The following DOCK5 variants were observed in gnomAD, a reference collection of about 807,000 sequenced individuals.
DOCK5 encodes dedicator of cytokinesis 5, also known as dedicator of cytokinesis protein 5.
In DOCK5, 142 loss-of-function variants were observed where a neutral mutation model predicts 251.8. That is an observed-to-expected ratio of 0.56 (90% CI 0.49 to 0.65). The LOEUF is 0.65. Among genes scored for constraint, DOCK5 ranks in the 30% least tolerant of loss-of-function variants. The pLI, the probability that DOCK5 is intolerant of heterozygous loss-of-function variation, is 0.00. For synonymous variants in DOCK5, 842 were observed against 835.5 expected, an observed-to-expected ratio of 1.01 and a Z score of -0.13; for missense variants, 2,111 against 2,312.3, an observed-to-expected ratio of 0.91 and a Z score of 1.79.
At chr8:25,296,179 A>G (rs989523897) in intron 6 of DOCK5, among the ~76,000 whole-genome samples, 3 of 152,176 alleles carry the variant, frequency 2.0e-5, no homozygotes, top group Admixed American at 1.3e-4. Flanking sequence ...TTTACTTCAT[A>G]GTTCCTCTTC....
At chr8:25,387,870 A>G (rs1801191496) in intron 40 of DOCK5, among the ~76,000 whole-genome samples, 1 of 152,118 alleles carries the variant, frequency 6.6e-6, no homozygotes, top group Non-Finnish European at 1.5e-5. Context: ...CAGTCGAGCT[A>G]ATTCTTCCTG....
intron 1 of DOCK5, among the ~76,000 whole-genome samples, chr8:25,213,757 A>G (rs181882192): frequency 6.6e-6 from 1 of 152,338 alleles, no homozygotes; most frequent in Non-Finnish European, 1.5e-5. Context: ...GTTCTTGGAA[A>G]TGACTTTGGT....
At chr8:25,287,555 T>C (rs1804371492) in intron 5 of DOCK5, among the ~76,000 whole-genome samples, 1 of 152,202 alleles carries the variant, frequency 6.6e-6, no homozygotes, top group Non-Finnish European at 1.5e-5. Flanking sequence ...GAAAAAAATT[T>C]AGATTGTTTT....
chr8:25,224,974 G>A (rs73673867), intron 1 of DOCK5, among the ~76,000 whole-genome samples: 13,569 of 152,120 alleles, frequency 0.089, 1,674 homozygotes, highest in African/African-American at 0.28. Flanking sequence ...AAATGGCCAC[G>A]AGCATATGAA....
At chr8:25,246,320 G>A (rs902799408) in intron 2 of DOCK5, among the ~76,000 whole-genome samples, 4 of 152,018 alleles carry the variant, frequency 2.6e-5, no homozygotes, top group East Asian at 1.9e-4. Flanking sequence ...TGTCGCCCAG[G>A]TGGAGTGCAG....
At chr8:25,196,045 A>T (rs1801716437) in intron 1 of DOCK5, among the ~76,000 whole-genome samples, 1 of 152,266 alleles carries the variant, frequency 6.6e-6, no homozygotes, top group Admixed American at 6.5e-5. Flanking sequence ...GGCAGAGAGA[A>T]AGGGACATTC....
chr8:25,211,225 T>C lies in DOCK5; in HGVS notation c.43+26274T>C, dbSNP rs148159847. On this transcript the variant is annotated intron_variant, in intron 1 of 51. Transcript: ENST00000276440. ...TATTTTGTGCACATGGGAGAATTGC[T>C]GTGTCTCATAAGAGAAGCACAGAAA... is the stretch of plus-strand genomic sequence containing the variant. Among the ~76,000 whole-genome samples the C allele has an allele frequency of 3.9e-3, 276 of 70,796 alleles. 120 individuals carry two copies. The highest frequency in any genetic ancestry group is 0.01 in the Non-Finnish European group (222 of 21,580). 46.4% of individuals were successfully genotyped at this position (70,796 alleles called of 152,430 possible).
Position 25,334,108 on chromosome 8 carries a change from T to G in DOCK5, c.2104T>G (p.Ser702Ala). The G allele has an allele frequency of 6.2e-7, 1 of 1,613,702 alleles. No individual in the cohort carries two copies. Among genetic ancestry groups the G allele is most frequent in the Non-Finnish European group, 8.5e-7 (1 of 1,179,626 alleles). ...TCACTTTTGGCAGGTATTTATTATT[T>G]CACTGATAGGAGACATCAAGTTCCA... ...LVFDALVFII[S>A]LIGDIKFQHF... Residue 702 changes from serine to alanine, a missense_variant, in exon 21 of 52, where the codon TCA becomes GCA. By Grantham distance (99) the Ser-to-Ala change is moderately conservative (BLOSUM62 1). Transcript: ENST00000276440.
intron 1 of DOCK5, among the ~76,000 whole-genome samples, chr8:25,204,325 A>G (rs1801947984): frequency 6.6e-6 from 1 of 152,200 alleles, no homozygotes; most frequent in Non-Finnish European, 1.5e-5. Flanking sequence ...TGAAACTAAC[A>G]GAAGTATTGA....
At chr8:25,192,286 A>G (rs1485783709) in intron 1 of DOCK5, among the ~76,000 whole-genome samples, 2 of 152,182 alleles carry the variant, frequency 1.3e-5, no homozygotes, top group African/African-American at 4.8e-5. Context: ...GTATATACCC[A>G]GTAATGGGAT....
chr8:25,192,168 T>G (rs1380107271), intron 1 of DOCK5, among the ~76,000 whole-genome samples: 1 of 149,882 alleles, frequency 6.7e-6, no homozygotes. Flanking sequence ...ATCCAGTCTA[T>G]CACTGATGGA....
chr8:25,205,758 G>T (rs145946561), intron 1 of DOCK5, among the ~76,000 whole-genome samples: 90 of 152,270 alleles, frequency 5.9e-4, no homozygotes, highest in African/African-American at 2.1e-3. Flanking sequence ...AGAGAGACAT[G>T]GGTTACTGAA....
intron 1 of DOCK5, among the ~76,000 whole-genome samples, chr8:25,241,129 G>A (rs1276193011): frequency 6.6e-6 from 1 of 152,190 alleles, no homozygotes. Flanking sequence ...TTAGAAAAAT[G>A]CAAATAAAAA....
chr8:25,214,748 C>G (rs573786725), intron 1 of DOCK5, among the ~76,000 whole-genome samples: 15 of 152,258 alleles, frequency 9.9e-5, no homozygotes, highest in African/African-American at 3.6e-4. Context: ...CCACAAACCA[C>G]GCACTTTATC....
intron 44 of DOCK5, among the ~76,000 whole-genome samples, chr8:25,393,426 A>G (rs1801294747): frequency 6.6e-6 from 1 of 152,118 alleles, no homozygotes; most frequent in African/African-American, 2.4e-5. Context: ...AAATCTCACC[A>G]TTTCGTCCAT....
chr8:25,237,060 C>A (rs1400744854), intron 1 of DOCK5, among the ~76,000 whole-genome samples: 1 of 152,088 alleles, frequency 6.6e-6, no homozygotes, highest in African/African-American at 2.4e-5. Flanking sequence ...GTAATAATCT[C>A]ATTCATTAGA....
In DOCK5 at chr8:25,342,413, C is replaced by A. The variant is rs1301646507; in HGVS notation, c.2523C>A (p.Cys841Ter). ...GTTTCTCTCCCAGCGTGCTCTTCTG[C>A]AAATTCATTCAAAGCATTCCTGACA... ...FDPVELSVLF[C>*]KFIQSIPDNQ... The change falls in exon 25 of 52, where the codon TGC becomes TGA. Residue 841 changes from cysteine (C) to a stop codon, truncating the protein, a stop_gained. Transcript: ENST00000276440. LOFTEE classifies it high-confidence loss of function. The A allele has an allele frequency of 1.3e-6, 2 of 1,592,884 alleles. No homozygotes were observed. Among genetic ancestry groups the A allele is most frequent in the Admixed American group, 3.5e-5 (2 of 57,554 alleles).
At chr8:25,364,856 A>C (rs563571730) in intron 30 of DOCK5, 152 bp downstream of exon 30, 45 of 583,256 alleles carry the variant, frequency 7.7e-5, no homozygotes, top group African/African-American at 7.4e-4. Flanking sequence ...TATGCCTGTC[A>C]CACTGTCCTC....
chr8:25,197,561 G>T (rs1373020470), intron 1 of DOCK5, among the ~76,000 whole-genome samples: 5 of 77,704 alleles, frequency 6.4e-5, no homozygotes, highest in African/African-American at 9.3e-5. Flanking sequence ...TCTCTTTAAG[G>T]ATCGTGTCTT....
Sources: gnomAD v4.1 joint callset for allele counts (sites outside exome capture counted in the v4.1 genomes callset) on GRCh38, gnomAD v4.1.1 for gene constraint, MANE v1.5 for transcripts, NCBI Gene and HGNC (gene_info 2026-07-23, HGNC 2026-07-21) for gene names.